The following ROCK1 variants were observed in gnomAD, a reference collection of about 807,000 sequenced individuals.
ROCK1 encodes Rho associated coiled-coil containing protein kinase 1.
Under a neutral mutation model 196.8 loss-of-function variants are expected in ROCK1, and 36 were observed. The ratio of observed to expected loss-of-function variants is 0.18; its 90% CI spans 0.14 to 0.24. The LOEUF is 0.24. ROCK1 is among the 10% of genes least tolerant of loss of function. The pLI is 1.00. For synonymous variants in ROCK1, 443 were observed against 515.9 expected (o/e 0.86, Z 1.91); for missense variants, 920 against 1,562.0 (o/e 0.59, Z 6.93).
rs8090088 is a variant in ROCK1 at position 20,983,697 on chromosome 18, C to T, written c.2489+654G>A. On this transcript the variant is annotated intron_variant, in intron 20 of 32. Coordinates refer to ENST00000399799, the MANE Select transcript of ROCK1 (RefSeq NM_005406.3). Reference sequence around the variant, plus strand: ...AATATAAAACACACTTTTGCGAAAACGGTGGCCCTAAAAGAGGAAAAGAAT... The same window carrying T: ...AATATAAAACACACTTTTGCGAAAATGGTGGCCCTAAAAGAGGAAAAGAAT... Among the ~76,000 whole-genome samples the T allele has an allele frequency of 9.5e-3, 1,438 of 152,078 alleles. 18 individuals are homozygous for T. The highest frequency in any genetic ancestry group is 0.033 in the African/African-American group (1,378 of 41,482).
chr18:21,058,562 T>C (rs2036263294), intron 2 of ROCK1, among the ~76,000 whole-genome samples: 1 of 152,176 alleles, frequency 6.6e-6, no homozygotes, highest in Non-Finnish European at 1.5e-5. Context: ...TTTGAAAAAT[T>C]CACAAGAATG....
intron 10 of ROCK1, among the ~76,000 whole-genome samples, chr18:21,025,655 G>C (rs1482308541): frequency 1.3e-5 from 2 of 152,142 alleles, no homozygotes; most frequent in African/African-American, 4.8e-5. Flanking sequence ...AGAATCACTT[G>C]AACCCAGGAG....
chr18:20,951,437 A>T, intron 32 of ROCK1, 50 bp from the exon 33 acceptor site: 1 of 1,486,218 alleles, frequency 6.7e-7, no homozygotes. Flanking sequence ...CTCAGTTTAA[A>T]AATACAAGAA....
intron 16 of ROCK1, 85 bp from the exon 17 acceptor site, chr18:20,993,022 GT>G (rs200927368): frequency 0.02 from 15,361 of 769,660 alleles, 378 homozygotes; most frequent in Non-Finnish European, 0.021. Flanking sequence ...TTTAAAAAAT[GT>G]TTTTTTAATG....
intron 29 of ROCK1, among the ~76,000 whole-genome samples, chr18:20,958,275 A>G (rs1180143447): frequency 6.6e-6 from 1 of 152,256 alleles, no homozygotes; most frequent in Middle Eastern, 3.4e-3. Context: ...TTCTTTTCAC[A>G]TTCTAACTAT....
intron 27 of ROCK1, among the ~76,000 whole-genome samples, chr18:20,960,927 C>A (rs2035320823): frequency 6.6e-6 from 1 of 152,102 alleles, no homozygotes; most frequent in African/African-American, 2.4e-5. Flanking sequence ...TCTGATATCA[C>A]AATTTGATCA....
chr18:21,036,382 T>G (rs1367875386), intron 9 of ROCK1, among the ~76,000 whole-genome samples: 1 of 152,224 alleles, frequency 6.6e-6, no homozygotes, highest in Non-Finnish European at 1.5e-5. Flanking sequence ...ACCAATATCT[T>G]ATTTCAAATG....
At chr18:20,964,887 G>C (rs1300136666) in intron 27 of ROCK1, among the ~76,000 whole-genome samples, 1 of 151,998 alleles carries the variant, frequency 6.6e-6, no homozygotes, top group Non-Finnish European at 1.5e-5. Context: ...CACGATGGTG[G>C]GTAAAATTAA....
chr18:21,047,007 G>A lies in ROCK1; in HGVS notation c.415-1540C>T, dbSNP rs547090294. On this transcript the variant is annotated intron_variant, in intron 4 of 32. Transcript: ENST00000399799. ...TATTTTAATGTAAAAAATGTATTTT[G>A]GGGGAAGAGAGAAGGATAAGAAACA... is the stretch of plus-strand genomic sequence containing the variant. Among the ~76,000 whole-genome samples, 7 of 152,104 alleles carry A rather than the reference G, an allele frequency of 4.6e-5. No homozygotes were observed. In the East Asian group the frequency reaches 1.4e-3, roughly 29 times the overall value.
At chr18:20,959,978 T>C (rs1164939423) in intron 28 of ROCK1, 50 bp from the exon 29 acceptor site, 1 of 1,215,192 alleles carries the variant, frequency 8.2e-7, no homozygotes, top group South Asian at 1.2e-5. Context: ...ATTAACTTGG[T>C]TTAAAGTGAT....
intron 9 of ROCK1, among the ~76,000 whole-genome samples, chr18:21,034,591 C>G (rs2036040737): frequency 6.6e-6 from 1 of 152,092 alleles, no homozygotes; most frequent in Non-Finnish European, 1.5e-5. Flanking sequence ...AACTGGATAT[C>G]CACATACAAA....
chr18:21,011,505 G>T (rs1316633178), intron 13 of ROCK1, among the ~76,000 whole-genome samples: 1 of 152,052 alleles, frequency 6.6e-6, no homozygotes, highest in Non-Finnish European at 1.5e-5. Flanking sequence ...ACCCAGGCTG[G>T]AGTACAGTGG....
At chr18:21,061,672 T>G (rs1432198080) in intron 2 of ROCK1, among the ~76,000 whole-genome samples, 1 of 152,178 alleles carries the variant, frequency 6.6e-6, no homozygotes, top group Non-Finnish European at 1.5e-5. Flanking sequence ...TGAATCTAAA[T>G]GTATGACTAA....
At chr18:21,092,472 T>C (rs866284175) in intron 1 of ROCK1, among the ~76,000 whole-genome samples, 1 of 150,480 alleles carries the variant, frequency 6.6e-6, no homozygotes, top group Non-Finnish European at 1.5e-5. Context: ...TAGTCCCAGC[T>C]ACTCGGGAGG....
At chr18:21,075,529 C>T (rs2036422129) in intron 1 of ROCK1, among the ~76,000 whole-genome samples, 1 of 152,064 alleles carries the variant, frequency 6.6e-6, no homozygotes, top group African/African-American at 2.4e-5. Flanking sequence ...ATTGGGACTA[C>T]AATACAGATT....
chr18:21,102,663 G>C (rs748409981), intron 1 of ROCK1, among the ~76,000 whole-genome samples: 2 of 152,100 alleles, frequency 1.3e-5, no homozygotes, highest in Non-Finnish European at 2.9e-5. Context: ...GCTCACTTGA[G>C]ACCAGCCTGG....
rs910470151 is a variant in ROCK1 at position 20,958,967 on chromosome 18, T to A, written c.3512+873A>T. Among the ~76,000 whole-genome samples, 595 of 92,462 alleles carry A rather than the reference T, an allele frequency of 6.4e-3. 5 individuals carry two copies. The highest frequency in any genetic ancestry group is 9.5e-3 in the Non-Finnish European group (484 of 50,890). 60.7% of individuals were successfully genotyped at this position (92,462 alleles called of 152,430 possible). On this transcript the variant is annotated intron_variant, in intron 29 of 32. Coordinates refer to ENST00000399799, the MANE Select transcript of ROCK1 (RefSeq NM_005406.3). ...AATAATATATATATTTTATATAATA[T>A]ATATAATATATATATTTTATAAAAA...
chr18:21,042,131 C>T lies in ROCK1; in HGVS notation c.925G>A (p.Ala309Thr), dbSNP rs1433055797. The stretch of plus-strand genomic sequence containing the variant: ...AGGAAGGCACAAATAAGGTTTTTTG[C>T]TTCTTTTGATATGTCATTATCATCA... ...FPDDNDISKE[A>T]KNLICAFLTD... Residue 309 changes from alanine (A) to threonine (T), a missense_variant, in exon 8 of 33, where the codon GCA becomes ACA. Around this residue, in one of 6 missense-constraint regions of ROCK1, gnomAD observed 234 missense variants for 460.7 expected, o/e 0.51. Coordinates refer to ENST00000399799, the MANE Select transcript of ROCK1 (RefSeq NM_005406.3). 6.2e-7 allele frequency: 1 copy of T among 1,601,062 alleles called. No individual in the cohort carries two copies. Among genetic ancestry groups the T allele is most frequent in the African/African-American group, 1.4e-5 (1 of 74,010 alleles).
At chr18:21,107,990 G>C (rs1453439887) in intron 1 of ROCK1, among the ~76,000 whole-genome samples, 1 of 152,060 alleles carries the variant, frequency 6.6e-6, no homozygotes, top group Non-Finnish European at 1.5e-5. Context: ...AGGAGTCGGA[G>C]GTTGCAGTGA....
Sources: allele counts gnomAD v4.1 joint callset (sites outside exome capture counted in the v4.1 genomes callset), GRCh38; gene constraint gnomAD v4.1.1; regional missense constraint gnomAD v4.1.1; transcripts MANE v1.5; gene names NCBI Gene and HGNC (gene_info 2026-07-23, HGNC 2026-07-21).